CSMD2: variants seen among roughly 807,000 people sequenced by gnomAD.
CSMD2 encodes CUB and sushi domain-containing protein 2.
CSMD2 carries 130 observed loss-of-function variants against 398.5 expected under a neutral mutation model. The observed-to-expected ratio is 0.33, with a 90% confidence interval of 0.28 to 0.38. CSMD2 has a LOEUF of 0.38. Ranked by LOEUF, CSMD2 falls within the 10% of genes least tolerant of loss-of-function variation. CSMD2 has a pLI of 1.00. For synonymous variants in CSMD2, 1,828 were observed against 1,908.5 expected (o/e 0.96, Z 1.10); for missense variants, 3,829 against 4,764.9 (o/e 0.80, Z 5.78).
rs771830836 is a variant in CSMD2 at position 33,788,611 on chromosome 1, G to C, written c.1652C>G (p.Ala551Gly). 1.0e-5 allele frequency: 16 copies of C among 1,604,356 alleles called. No individual in the cohort carries two copies. In the South Asian group the frequency reaches 1.8e-4, roughly 18 times the overall value. Residue 551 changes from alanine (A) to glycine (G), a missense_variant, in exon 12 of 71, where the codon GCT (alanine) becomes GGT (glycine). Physicochemically the swap from Ala to Gly is moderately conservative, Grantham distance 60. This residue lies in a region of CSMD2 where 2,001 missense variants were observed against 2,567.1 expected (regional missense o/e 0.78). Transcript: ENST00000373381. Reference protein sequence around the residue: ...DGSGSSLGFKASYEEIEQGSC... With the variant: ...DGSGSSLGFKGSYEEIEQGSC... Reference sequence around the variant, plus strand: ...CCAAAAGCAGTTACCTTCATAAGAAGCCTTGAATCCCAGGGAACTGCCACT... The same window carrying C: ...CCAAAAGCAGTTACCTTCATAAGAACCCTTGAATCCCAGGGAACTGCCACT...
chr1:34,038,831 C>T (rs1218241458), intron 2 of CSMD2, among the ~76,000 whole-genome samples: 1 of 152,192 alleles, frequency 6.6e-6, no homozygotes, highest in Admixed American at 6.5e-5. Context: ...CACTTCTTAT[C>T]ACCATGCATC....
chr1:33,885,441 T>G lies in CSMD2; in HGVS notation c.920+32653A>C, dbSNP rs1310951679. ...AGAATATCTGCCTGTGAATTCAATT[T>G]GGTTCAATTCAATCCGATTTAATTC... On this transcript the variant is annotated intron_variant, in intron 5 of 70. Coordinates refer to ENST00000373381, the MANE Select transcript of CSMD2 (RefSeq NM_001281956.2). 5 of 152,330 alleles carry G rather than the reference T, an allele frequency of 3.3e-5. No homozygotes were observed. In the East Asian group the frequency reaches 9.6e-4, roughly 29 times the overall value. 9.4% of individuals were successfully genotyped at this position (152,330 alleles called of 1,614,324 possible).
chr1:33,571,446 C>CT (rs1275764943), intron 51 of CSMD2, 86 bp downstream of exon 51: 4 of 1,079,798 alleles, frequency 3.7e-6, no homozygotes, highest in Non-Finnish European at 4.9e-6. Flanking sequence ...ACCCCTTTTT[C>CT]CCCCACCCCA....
chr1:34,015,974 AT>A (rs1648036907), intron 3 of CSMD2, among the ~76,000 whole-genome samples: 1 of 151,424 alleles, frequency 6.6e-6, no homozygotes, highest in Non-Finnish European at 1.5e-5. Context: ...CTCCTCCTCT[AT>A]CTTTTGAAAG....
chr1:33,810,847 G>A lies in CSMD2; in HGVS notation c.1342C>T (p.His448Tyr). The A allele has an allele frequency of 1.2e-6, 2 of 1,612,280 alleles. No homozygotes were observed. The highest frequency in any genetic ancestry group is 8.5e-7 in the Non-Finnish European group (1 of 1,179,242). Residue 448 changes from histidine (H) to tyrosine (Y), a missense_variant, in exon 10 of 71, where the codon CAC becomes TAC. Physicochemically the swap from His to Tyr is moderately conservative, Grantham distance 83. Coordinates refer to ENST00000373381, the MANE Select transcript of CSMD2 (RefSeq NM_001281956.2). The part of the protein sequence containing the change: ...PVCRARMCDA[H>Y]LRGPSGIITS... ...ATGATGCCCGAGGGGCCTCGAAGGT[G>A]GGCATCACACATGCGGGCTGCAGAG...
At chr1:33,552,459 T>A (rs1657550120) in intron 55 of CSMD2, among the ~76,000 whole-genome samples, 1 of 152,180 alleles carries the variant, frequency 6.6e-6, no homozygotes, top group Non-Finnish European at 1.5e-5. Flanking sequence ...ACACAAATGT[T>A]CAAACCAGCA....
intron 44 of CSMD2, among the ~76,000 whole-genome samples, chr1:33,591,460 A>C (rs1269907759): frequency 2.0e-5 from 3 of 152,184 alleles, no homozygotes; most frequent in African/African-American, 7.2e-5. Flanking sequence ...TTTTCAGAAC[A>C]TCACAAGGAG....
In CSMD2 at chr1:34,089,417, A is replaced by C. The variant is rs1234451946; in HGVS notation, c.188-224T>G. On this transcript the variant is annotated intron_variant, in intron 1 of 70. Transcript: ENST00000373381. ...CAGGTGATACATTGTGTATCATTTA[A>C]TCAAGGCTTACAACAACTCTATGCA... 2.0e-5 allele frequency among the ~76,000 whole-genome samples: 3 copies of C among 152,160 alleles called. No individual in the cohort carries two copies. The South Asian group carries it at 6.2e-4, about 32-fold the overall frequency.
At position 33,678,849 on chromosome 1, in the gene CSMD2, G is replaced by T. The variant is rs553538251; in HGVS notation, c.4052+14081C>A. 5.9e-5 allele frequency among the ~76,000 whole-genome samples: 9 copies of T among 152,290 alleles called. No homozygotes were observed. In the East Asian group the frequency reaches 1.7e-3, roughly 29 times the overall value. On this transcript the variant is annotated intron_variant, in intron 25 of 70. Transcript: ENST00000373381. ...TTCAGGGACCAGCTGGCATGCAAAA[G>T]AAATAAAAGATTCTTTGGTTATTTT...
intron 44 of CSMD2, among the ~76,000 whole-genome samples, chr1:33,596,709 G>A: frequency 6.6e-6 from 1 of 152,172 alleles, no homozygotes; most frequent in African/African-American, 2.4e-5. Context: ...ATGAGAACAG[G>A]ATGGAGGAAA....
intron 48 of CSMD2, 79 bp downstream of exon 48, chr1:33,580,673 TG>T: frequency 6.6e-7 from 1 of 1,516,974 alleles, no homozygotes; most frequent in South Asian, 1.2e-5. Context: ...AGGAGGGGAA[TG>T]GCCGCCCGGT....
chr1:33,645,073 T>C (rs189886710), intron 29 of CSMD2, among the ~76,000 whole-genome samples: 2 of 152,214 alleles, frequency 1.3e-5, no homozygotes, highest in East Asian at 3.9e-4. Context: ...AAGTTTGCCA[T>C]TGTTCTAATT....
In CSMD2 at chr1:33,585,630, C is replaced by G. The variant is rs1432175276; in HGVS notation, c.7051+874G>C. 2.6e-5 allele frequency among the ~76,000 whole-genome samples: 4 copies of G among 152,216 alleles called. No homozygotes were observed. In the East Asian group the frequency reaches 5.8e-4, roughly 22 times the overall value. On this transcript the variant is annotated intron_variant, in intron 46 of 70. Transcript: ENST00000373381. Reference sequence around the variant, plus strand: ...CACAGGGCACTGAGATGTGGTGATACTTAAGTTCTCTCAGGCCTCGTGGTC... The same window carrying G: ...CACAGGGCACTGAGATGTGGTGATAGTTAAGTTCTCTCAGGCCTCGTGGTC...
At chr1:33,555,888 A>G (rs555337754) in intron 55 of CSMD2, among the ~76,000 whole-genome samples, 2 of 152,262 alleles carry the variant, frequency 1.3e-5, no homozygotes, top group South Asian at 4.1e-4. Context: ...CAATATCTCC[A>G]ATGTATGCCT....
chr1:34,102,026 A>G (rs1160673119), intron 1 of CSMD2, among the ~76,000 whole-genome samples: 2 of 142,608 alleles, frequency 1.4e-5, no homozygotes, highest in Admixed American at 1.5e-4. Flanking sequence ...CATGTAGATT[A>G]AAATGTTCAC....
intron 4 of CSMD2, among the ~76,000 whole-genome samples, chr1:33,928,749 G>T (rs1331426947): frequency 6.6e-6 from 1 of 152,200 alleles, no homozygotes; most frequent in Admixed American, 6.5e-5. Context: ...AGTGGCCTTG[G>T]GTAGCTGTGG....
intron 5 of CSMD2, among the ~76,000 whole-genome samples, chr1:33,889,663 T>C (rs199962596): frequency 1.4e-5 from 2 of 146,462 alleles, no homozygotes; most frequent in Non-Finnish European, 3.0e-5. Context: ...GACATATATA[T>C]ATATACTGAC....
Position 33,624,449 on chromosome 1 carries a change from T to C in CSMD2, c.5625+70A>G. 6.3e-7 allele frequency: 1 copy of C among 1,579,574 alleles called. No homozygotes were observed. Among genetic ancestry groups the C allele is most frequent in the East Asian group, 2.2e-5 (1 of 44,462 alleles). On this transcript the variant is annotated intron_variant, in intron 35 of 70. Transcript: ENST00000373381. The surrounding 1 kb of genome is among the most constrained non-coding windows in gnomAD (Gnocchi z 4.7). Reference sequence around the variant, plus strand: ...CCTTGGCACCAGCCAGCACCTGTGGTTGTCACCTGTGAGCTGTTACCTGGG... The same window carrying C: ...CCTTGGCACCAGCCAGCACCTGTGGCTGTCACCTGTGAGCTGTTACCTGGG...
At chr1:34,002,756 G>T (rs1165037290) in intron 3 of CSMD2, among the ~76,000 whole-genome samples, 1 of 152,028 alleles carries the variant, frequency 6.6e-6, no homozygotes, top group East Asian at 1.9e-4. Context: ...CCACACATGG[G>T]GATTTAGTGG....
Sources: gnomAD v4.1 joint callset for allele counts (sites outside exome capture counted in the v4.1 genomes callset) on GRCh38, gnomAD v4.1.1 for gene constraint, gnomAD v4.1.1 regional missense constraint, Gnocchi (gnomAD v3.1) non-coding constraint, MANE v1.5 for transcripts, NCBI Gene and HGNC (gene_info 2026-07-23, HGNC 2026-07-21) for gene names.